The following CCDC63 variants were observed in gnomAD, a reference collection of about 807,000 sequenced individuals.
The protein encoded by CCDC63 is coiled-coil domain-containing protein 63.
A neutral mutation model predicts 63.6 loss-of-function variants in CCDC63; 54 were observed. The observed-to-expected ratio is 0.85, with a 90% CI of 0.68 to 1.07. The LOEUF is 1.07. CCDC63 is among the 50% of genes least tolerant of loss of function. CCDC63 has a pLI of 0.00. For missense variants in CCDC63, 637 were observed against 689.6 expected, an observed-to-expected ratio of 0.92 and a Z score of 0.86; for synonymous variants, 253 against 266.1, an observed-to-expected ratio of 0.95 and a Z score of 0.48.
chr12:110,851,229 A>G (rs1043960782), intron 1 of CCDC63, among the ~76,000 whole-genome samples: 25 of 137,346 alleles, frequency 1.8e-4, no homozygotes, highest in East Asian at 4.2e-4. Flanking sequence ...ACCCAGAGGT[A>G]TGTTCAGGCT....
chr12:110,857,286 C>G (rs902006540), intron 3 of CCDC63, among the ~76,000 whole-genome samples: 1 of 151,700 alleles, frequency 6.6e-6, no homozygotes, highest in African/African-American at 2.4e-5. Flanking sequence ...CCACCCCCCC[C>G]GGCTAATTTT....
rs147100626 is a variant in CCDC63 at position 110,855,239 on chromosome 12, G to T, written c.179+1665G>T. ...GTTGGAAAAATTGTCATTATGTAGA[G>T]ATTTTGTTAGAACAAGAAAGTGTCT... On this transcript the variant is annotated intron_variant, in intron 3 of 11. Coordinates refer to ENST00000308208, the MANE Select transcript of CCDC63 (RefSeq NM_152591.3). 4.5e-3 allele frequency among the ~76,000 whole-genome samples: 686 copies of T among 152,296 alleles called. 7 individuals are homozygous for T. The highest frequency in any genetic ancestry group is 0.015 in the African/African-American group (643 of 41,568).
At chr12:110,862,905 G>A (rs754886046) in intron 4 of CCDC63, among the ~76,000 whole-genome samples, 2 of 151,906 alleles carry the variant, frequency 1.3e-5, no homozygotes, top group Non-Finnish European at 2.9e-5. Context: ...ACAGGCACCC[G>A]CCACCATGCC....
chr12:110,852,695 A>G (rs754089219), intron 1 of CCDC63, among the ~76,000 whole-genome samples, 164 bp from the exon 2 acceptor site: 1 of 152,318 alleles, frequency 6.6e-6, no homozygotes, highest in South Asian at 2.1e-4. Context: ...TTTAAAACAA[A>G]TAAGTGCCTT....
chr12:110,893,070 G>T lies in CCDC63; in HGVS notation c.1075-6G>T. The T allele has an allele frequency of 1.9e-6, 3 of 1,613,686 alleles. No homozygotes were observed. The highest frequency in any genetic ancestry group is 2.5e-6 in the Non-Finnish European group (3 of 1,179,740). ...TTTCCTCATGGTCTTGTTCTCTCCC[G>T]AGCAGGACGAGATCATCCTCTTGCG... On this transcript the variant is annotated splice_region_variant and splice_polypyrimidine_tract_variant and intron_variant, in intron 8 of 11. Transcript: ENST00000308208.
At chr12:110,881,345 TTCTTTCTC>T (rs777408840) in intron 7 of CCDC63, 49 bp downstream of exon 7, 96 of 1,554,132 alleles carry the variant, frequency 6.2e-5, no homozygotes, top group Admixed American at 1.4e-4. Flanking sequence ...CTTTCTTGCC[TTCTTTCTC>T]TCTTTCTCTC....
At chr12:110,872,357 A>G (rs2071078552) in intron 4 of CCDC63, among the ~76,000 whole-genome samples, 1 of 152,236 alleles carries the variant, frequency 6.6e-6, no homozygotes, top group African/African-American at 2.4e-5. Flanking sequence ...TAAAAACTGC[A>G]GTGAGAGGCC....
chr12:110,869,503 G>A (rs985808813), intron 4 of CCDC63, among the ~76,000 whole-genome samples: 2 of 152,114 alleles, frequency 1.3e-5, no homozygotes, highest in Non-Finnish European at 2.9e-5. Flanking sequence ...CTTCTCTAAG[G>A]CCTTCTGGGA....
At chr12:110,894,284 T>C (rs1334224143) in intron 9 of CCDC63, among the ~76,000 whole-genome samples, 1 of 152,252 alleles carries the variant, frequency 6.6e-6, no homozygotes, top group African/African-American at 2.4e-5. Flanking sequence ...CAATGACTTC[T>C]GTATTTAAAC....
At chr12:110,879,190 G>A (rs1463957940) in intron 5 of CCDC63, among the ~76,000 whole-genome samples, 6 of 152,068 alleles carry the variant, frequency 3.9e-5, no homozygotes, top group African/African-American at 9.7e-5. Context: ...ATATTAACAC[G>A]TACCTGGTTG....
Position 110,907,225 on chromosome 12 carries a change from T to C in CCDC63, c.1547-106T>C. 1 of 1,099,608 alleles carries C rather than the reference T, an allele frequency of 9.1e-7. No homozygotes were observed. The highest frequency in any genetic ancestry group is 2.5e-5 in the East Asian group (1 of 39,506). 68.1% of individuals were successfully genotyped at this position (1,099,608 alleles called of 1,614,324 possible). On this transcript the variant is annotated intron_variant, in intron 11 of 11. Coordinates refer to ENST00000308208, the MANE Select transcript of CCDC63 (RefSeq NM_152591.3). The surrounding 1 kb of genome is among the most constrained non-coding windows in gnomAD (Gnocchi z 4.4). ...TCTCCCCCTCCTTGAAACCTGAGAATTTCCATGCTCCACTCCCCAGTGCTA... is the reference window on the plus strand; with the variant it reads ...TCTCCCCCTCCTTGAAACCTGAGAACTTCCATGCTCCACTCCCCAGTGCTA...
At chr12:110,868,543 A>G (rs2071010173) in intron 4 of CCDC63, among the ~76,000 whole-genome samples, 1 of 150,942 alleles carries the variant, frequency 6.6e-6, no homozygotes, top group South Asian at 2.1e-4. Context: ...CGGCCCGGCC[A>G]ACACAGCGAA....
At chr12:110,845,932 A>G (rs1020360256), upstream of CCDC63, 1 of 143,808 alleles carries the variant, frequency 7.0e-6, no homozygotes, top group African/African-American at 2.6e-5. Flanking sequence ...ATGCCGGGCT[A>G]AATTTGTTAT....
chr12:110,852,874 CAGAG>C lies in CCDC63; in HGVS notation c.-72_-69del. 1 of 1,599,512 alleles carries C rather than the reference CAGAG, an allele frequency of 6.3e-7. No individual in the cohort carries two copies. The highest frequency in any genetic ancestry group is 1.1e-5 in the South Asian group (1 of 90,572). On this transcript the variant is annotated 5_prime_UTR_variant, in exon 2 of 12. Coordinates refer to ENST00000308208, the MANE Select transcript of CCDC63 (RefSeq NM_152591.3). ...CCATGAACAGGGCATTGCAGAGAGA[CAGAG>C]AGAGAGAGGAAGGCTCACTGGCTTT... is the stretch of plus-strand genomic sequence containing the variant.
chr12:110,858,589 G>A lies in CCDC63; in HGVS notation c.183G>A (p.Lys61=). 1.2e-6 allele frequency: 2 copies of A among 1,608,066 alleles called. No individual in the cohort carries two copies. Among genetic ancestry groups the A allele is most frequent in the South Asian group, 1.1e-5 (1 of 90,228 alleles). Reference sequence around the variant, plus strand: ...TCATGGGCTGCTTTTCCAACAGCAAGGAGATCAAGACCCTGAAGACAGAGC... The same window carrying A: ...TCATGGGCTGCTTTTCCAACAGCAAAGAGATCAAGACCCTGAAGACAGAGC... The part of the protein sequence containing the change: ...RNQQKIASQY[K]EIKTLKTEQD... The change falls in exon 4 of 12, where the codon AAG becomes AAA. Residue 61 remains lysine, a synonymous_variant. Coordinates refer to ENST00000308208, the MANE Select transcript of CCDC63 (RefSeq NM_152591.3).
intron 10 of CCDC63, among the ~76,000 whole-genome samples, chr12:110,903,691 A>T (rs1289480955): frequency 6.6e-6 from 1 of 152,224 alleles, no homozygotes; most frequent in East Asian, 1.9e-4. Flanking sequence ...CTACAGTGCA[A>T]GGGGATGTCC....
At position 110,879,962 on chromosome 12, in the gene CCDC63, T is replaced by C. The variant is rs1157024570; in HGVS notation, c.546T>C (p.Ile182=). Residue 182 remains isoleucine, a synonymous_variant, in exon 6 of 12, where the codon ATT becomes ATC. Coordinates refer to ENST00000308208, the MANE Select transcript of CCDC63 (RefSeq NM_152591.3). ...CTAATGCCAAGCTCCGGAAGGAGATTGAAGACCTACGATTTGAGAAGGCTG... is the reference window on the plus strand; with the variant it reads ...CTAATGCCAAGCTCCGGAAGGAGATCGAAGACCTACGATTTGAGAAGGCTG... ...LTTNAKLRKE[I]EDLRFEKAAY... 1 of 1,614,192 alleles carries C rather than the reference T, an allele frequency of 6.2e-7. No individual in the cohort carries two copies. The highest frequency in any genetic ancestry group is 1.3e-5 in the African/African-American group (1 of 75,066).
At chr12:110,904,885 A>G in intron 11 of CCDC63, 94 bp downstream of exon 11, 1 of 1,001,412 alleles carries the variant, frequency 1.0e-6, no homozygotes, top group Non-Finnish European at 1.5e-6. Flanking sequence ...GAGGGTCTGC[A>G]GTGTTGAACC....
At chr12:110,904,461 A>C in intron 10 of CCDC63, 127 bp from the exon 11 acceptor site, 1 of 739,890 alleles carries the variant, frequency 1.4e-6, no homozygotes, top group Non-Finnish European at 2.3e-6. Context: ...TTTCCTTGTC[A>C]GAGCCCAGAT....
Sources: allele counts gnomAD v4.1 joint callset (sites outside exome capture counted in the v4.1 genomes callset), GRCh38; gene constraint gnomAD v4.1.1; non-coding constraint Gnocchi (gnomAD v3.1); transcripts MANE v1.5; gene names NCBI Gene and HGNC (gene_info 2026-07-23, HGNC 2026-07-21).